Variants in MASTL observed in about 807,000 individuals in gnomAD.
MASTL encodes the protein serine/threonine-protein kinase greatwall.
MASTL carries 54 observed loss-of-function variants against 82.5 expected under a neutral mutation model. The observed-to-expected ratio is 0.65, with a 90% CI of 0.53 to 0.82. The LOEUF is 0.82. Ranked by LOEUF, MASTL falls within the 40% of genes least tolerant of loss-of-function variation. The probability of loss-of-function intolerance (pLI) is 0.00; values close to 1 mark genes in which losing one functional copy is unlikely to be tolerated. For synonymous variants in MASTL, 323 were observed against 368.9 expected (o/e 0.88, Z 1.43); for missense variants, 950 against 1,047.8 (o/e 0.91, Z 1.29).
chr10:27,168,483 A>C (rs1328327741), intron 7 of MASTL, among the ~76,000 whole-genome samples: 4 of 152,176 alleles, frequency 2.6e-5, no homozygotes, highest in Non-Finnish European at 4.4e-5. Context: ...CACATGCATC[A>C]TTTTCTGTGC....
Position 27,170,403 on chromosome 10 carries a change from A to T in MASTL, c.1444A>T (p.Thr482Ser). 1 of 1,614,144 alleles carries T rather than the reference A, an allele frequency of 6.2e-7. No homozygotes were observed. Among genetic ancestry groups the T allele is most frequent in the Non-Finnish European group, 8.5e-7 (1 of 1,179,996 alleles). The change falls in exon 8 of 12, where the codon ACA becomes TCA. Residue 482 changes from threonine to serine, a missense_variant. Coordinates refer to ENST00000375940, the MANE Select transcript of MASTL (RefSeq NM_001172303.3). ...EMTNCYTNQN[T>S]GLTVEVQDLK... is the part of the protein sequence containing the mutation. Reference sequence around the variant, plus strand: ...GACAAATTGTTATACAAATCAAAATACAGGCTTAACAGTTGAAGTGCAGGA... The same window carrying T: ...GACAAATTGTTATACAAATCAAAATTCAGGCTTAACAGTTGAAGTGCAGGA...
Position 27,170,591 on chromosome 10 carries a change from T to G in MASTL, c.1632T>G (p.Ser544Arg). Residue 544 changes from serine (S) to arginine (R), a missense_variant, in exon 8 of 12, where the codon AGT (serine) becomes AGG (arginine). Ser to Arg is a moderately radical substitution (Grantham distance 110). Coordinates refer to ENST00000375940, the MANE Select transcript of MASTL (RefSeq NM_001172303.3). ...TCGATGAAGACTGTGAAAAGAATAG[T>G]AAGAGGGACTACTTAAGTTCTAGTT... ...CELDEDCEKNSKRDYLSSSFL... is the reference protein window; with the variant it reads ...CELDEDCEKNRKRDYLSSSFL... The G allele has an allele frequency of 1.2e-6, 2 of 1,611,032 alleles. No individual in the cohort carries two copies. The highest frequency in any genetic ancestry group is 1.7e-4 in the Middle Eastern group (1 of 6,042).
chr10:27,173,972 A>G (rs1463850335), intron 9 of MASTL, among the ~76,000 whole-genome samples: 2 of 152,154 alleles, frequency 1.3e-5, no homozygotes, highest in Admixed American at 1.3e-4. Flanking sequence ...TCAGAAGCCT[A>G]TTCCTGTTTA....
intron 1 of MASTL, among the ~76,000 whole-genome samples, chr10:27,156,787 T>C (rs1456663966): frequency 6.6e-6 from 1 of 151,356 alleles, no homozygotes; most frequent in Admixed American, 6.6e-5. Context: ...CCCAGAGTGC[T>C]GGGATTACAG....
chr10:27,174,991 C>A (rs1378117501), intron 9 of MASTL, among the ~76,000 whole-genome samples: 1 of 151,680 alleles, frequency 6.6e-6, no homozygotes, highest in Non-Finnish European at 1.5e-5. Flanking sequence ...TTCATCCTCC[C>A]CACCCCACCT....
chr10:27,159,571 A>G lies in MASTL; in HGVS notation c.325-48A>G. ...TAATGCCCAAATACTAGATTTTTAA[A>G]GTAATCATATTGTTTTTATTTCACA... On this transcript the variant is annotated intron_variant, in intron 2 of 11. Transcript: ENST00000375940. The surrounding 1 kb of genome is among the most constrained non-coding windows in gnomAD (Gnocchi z 4.0). The G allele has an allele frequency of 7.6e-7, 1 of 1,318,572 alleles. No individual in the cohort carries two copies. The allele number at this position is 1,318,572 out of a possible 1,614,324, so 81.7% of individuals were successfully genotyped here.
intron 8 of MASTL, among the ~76,000 whole-genome samples, chr10:27,171,915 G>A (rs1030637914): frequency 3.2e-5 from 4 of 124,304 alleles, no homozygotes; most frequent in South Asian, 5.5e-4. Context: ...TGCAACCTCC[G>A]CCTCCCGGGT....
chr10:27,179,906 GAAT>G (rs2058219302), intron 9 of MASTL, among the ~76,000 whole-genome samples: 1 of 152,106 alleles, frequency 6.6e-6, no homozygotes, highest in African/African-American at 2.4e-5. Context: ...CTATTTTAGA[GAAT>G]AATTTTAGGA....
At chr10:27,176,849 C>CTT (rs11334357) in intron 9 of MASTL, among the ~76,000 whole-genome samples, 10 of 124,818 alleles carry the variant, frequency 8.0e-5, no homozygotes, top group Admixed American at 6.4e-4. Flanking sequence ...TTTCTTTTTT[C>CTT]TTTTTTTTTT....
Position 27,170,427 on chromosome 10 carries a change from G to A in MASTL, c.1468G>A (p.Asp490Asn). 4 of 1,614,084 alleles carry A rather than the reference G, an allele frequency of 2.5e-6. No homozygotes were observed. Among genetic ancestry groups the A allele is most frequent in the Non-Finnish European group, 3.4e-6 (4 of 1,179,998 alleles). ...QNTGLTVEVQ[D>N]LKLSVHKSQQ... ...TACAGGCTTAACAGTTGAAGTGCAGGACCTTAAGCTATCAGTGCACAAAAG... is the reference window on the plus strand; with the variant it reads ...TACAGGCTTAACAGTTGAAGTGCAGAACCTTAAGCTATCAGTGCACAAAAG... The change falls in exon 8 of 12, where the codon GAC becomes AAC. Residue 490 changes from aspartate to asparagine, a missense_variant. Physicochemically the swap from Asp to Asn is conservative, Grantham distance 23. Transcript: ENST00000375940.
At chr10:27,178,749 A>G (rs2058181950) in intron 9 of MASTL, among the ~76,000 whole-genome samples, 2 of 151,956 alleles carry the variant, frequency 1.3e-5, no homozygotes, top group African/African-American at 4.8e-5. Flanking sequence ...AAGTAAAATA[A>G]GGAAATTTTT....
Position 27,170,761 on chromosome 10 carries a change from A to C in MASTL, c.1802A>C (p.Glu601Ala). 1.9e-6 allele frequency: 3 copies of C among 1,614,072 alleles called. No individual in the cohort carries two copies. The highest frequency in any genetic ancestry group is 2.2e-5 in the South Asian group (2 of 91,076). ...AGCATCAAAGAATCCTCTTTTGAAG[A>C]ATCAAATATTGAAGATCCACTTATT... ...DRSIKESSFE[E>A]SNIEDPLIVT... Residue 601 changes from glutamate to alanine, a missense_variant, in exon 8 of 12, where the codon GAA becomes GCA. Glu to Ala is a moderately radical substitution (Grantham distance 107). Transcript: ENST00000375940.
rs757186330 is a variant in MASTL at position 27,165,435 on chromosome 10, C to A, written c.707C>A (p.Ser236Ter). 1.2e-6 allele frequency: 2 copies of A among 1,614,080 alleles called. No homozygotes were observed. The highest frequency in any genetic ancestry group is 1.7e-6 in the Non-Finnish European group (2 of 1,179,996). ...AATCAAGACCCTGCAAACATCCTTT[C>A]AGCCTGTCTGTCTGAAACATCACAG... ...EKNQDPANIL[S>*]ACLSETSQLS... Residue 236 changes from serine to a stop codon, truncating the protein, a stop_gained, in exon 6 of 12, where the codon TCA becomes TAA. Coordinates refer to ENST00000375940, the MANE Select transcript of MASTL (RefSeq NM_001172303.3). LOFTEE classifies it high-confidence loss of function.
chr10:27,154,694 C>G (rs3758403), upstream of MASTL: 114,473 of 189,294 alleles, frequency 0.6, 35,045 homozygotes, highest in Non-Finnish European at 0.65. Context: ...CTCAGCCTCC[C>G]GAGTAGCTGG....
chr10:27,184,956 G>A (rs576186314), intron 11 of MASTL, among the ~76,000 whole-genome samples: 1 of 152,254 alleles, frequency 6.6e-6, no homozygotes, highest in East Asian at 1.9e-4. Context: ...TTGAAATCTT[G>A]TAAGCAGAGC....
At chr10:27,162,456 GT>G (rs1228183399) in intron 4 of MASTL, among the ~76,000 whole-genome samples, 1 of 152,138 alleles carries the variant, frequency 6.6e-6, no homozygotes, top group Non-Finnish European at 1.5e-5. Context: ...TGAGGTTGAG[GT>G]CAGGAGTTCT....
intron 11 of MASTL, among the ~76,000 whole-genome samples, chr10:27,183,851 A>C (rs2058472221): frequency 6.6e-6 from 1 of 151,900 alleles, no homozygotes; most frequent in East Asian, 1.9e-4. Flanking sequence ...AGCTGGTACT[A>C]CTGGTGCACA....
At position 27,181,554 on chromosome 10, in the gene MASTL, G is replaced by T; in HGVS notation, c.2455G>T (p.Asp819Tyr). Residue 819 changes from aspartate to tyrosine, a missense_variant, in exon 11 of 12, where the codon GAT (aspartate) becomes TAT (tyrosine). Asp to Tyr is a radical substitution (Grantham distance 160, BLOSUM62 -3). Coordinates refer to ENST00000375940, the MANE Select transcript of MASTL (RefSeq NM_001172303.3). ...QSAVEILLTI[D>Y]DTKRAGMKEL... ...TGCAGTAGAAATACTTTTAACCATT[G>T]ATGATACAAAGAGAGCTGGAATGAA... The T allele has an allele frequency of 6.2e-7, 1 of 1,611,932 alleles. No individual in the cohort carries two copies. The highest frequency in any genetic ancestry group is 8.5e-7 in the Non-Finnish European group (1 of 1,178,328).
In MASTL at chr10:27,155,592, G is replaced by A. The variant is rs1263319039; in HGVS notation, c.166G>A (p.Gly56Ser). The change falls in exon 1 of 12, where the codon GGC (glycine) becomes AGC (serine). Residue 56 changes from glycine (G) to serine (S), a missense_variant. By Grantham distance (56) the Gly-to-Ser change is moderately conservative (BLOSUM62 0). Transcript: ENST00000375940. Reference protein sequence around the residue: ...FGKVYLGQKGGKLYAVKVVKK... With the variant: ...FGKVYLGQKGSKLYAVKVVKK... ...GAAAGTGTATCTGGGGCAGAAAGGCGGCAAATTGTATGCAGTAAAGGTAGG... is the reference window on the plus strand; with the variant it reads ...GAAAGTGTATCTGGGGCAGAAAGGCAGCAAATTGTATGCAGTAAAGGTAGG... 2 of 1,614,074 alleles carry A rather than the reference G, an allele frequency of 1.2e-6. No homozygotes were observed. Among genetic ancestry groups the A allele is most frequent in the Non-Finnish European group, 1.7e-6 (2 of 1,180,036 alleles).
Sources: allele counts gnomAD v4.1 joint callset (sites outside exome capture counted in the v4.1 genomes callset), GRCh38; gene constraint gnomAD v4.1.1; non-coding constraint Gnocchi (gnomAD v3.1); transcripts MANE v1.5; gene names NCBI Gene and HGNC (gene_info 2026-07-23, HGNC 2026-07-21).